The following CPNE4 variants were observed in gnomAD, a reference collection of about 807,000 sequenced individuals.
CPNE4 encodes the protein copine-4.
A neutral mutation model predicts 67.9 loss-of-function variants in CPNE4; 25 were observed. That is an observed-to-expected ratio of 0.37 (90% CI 0.27 to 0.51). The LOEUF is 0.51. Ranked by LOEUF, CPNE4 falls within the 20% of genes least tolerant of loss-of-function variation. The pLI, the probability that CPNE4 is intolerant of heterozygous loss-of-function variation, is 0.93. For missense variants in CPNE4, 464 were observed against 690.8 expected (o/e 0.67, Z 3.68); for synonymous variants, 242 against 244.9 (o/e 0.99, Z 0.11).
intron 2 of CPNE4, among the ~76,000 whole-genome samples, chr3:131,848,388 A>G (rs935768055): frequency 2.0e-5 from 3 of 152,032 alleles, no homozygotes; most frequent in African/African-American, 7.2e-5. Flanking sequence ...ATCTCATCAC[A>G]CTAGTCCCCA....
At chr3:132,001,526 G>A (rs370545989) in intron 1 of CPNE4, among the ~76,000 whole-genome samples, 3 of 143,722 alleles carry the variant, frequency 2.1e-5, no homozygotes, top group South Asian at 2.2e-4. Context: ...GAGAGAGAGA[G>A]AGAGAAAGAA....
intron 1 of CPNE4, among the ~76,000 whole-genome samples, chr3:131,975,693 C>T (rs934287376): frequency 2.0e-5 from 3 of 152,116 alleles, no homozygotes; most frequent in African/African-American, 7.2e-5. Context: ...AGTTGCTATC[C>T]TAAGGGACTT....
At chr3:131,550,481 T>G (rs1251572412) in intron 13 of CPNE4, among the ~76,000 whole-genome samples, 3 of 152,098 alleles carry the variant, frequency 2.0e-5, no homozygotes, top group Non-Finnish European at 4.4e-5. Flanking sequence ...AACTTGGGTC[T>G]GCCTGGCTCT....
rs566607383 is a variant in CPNE4 at position 131,568,987 on chromosome 3, C to G, written c.928-4638G>C. Among the ~76,000 whole-genome samples the G allele has an allele frequency of 9.9e-5, 15 of 152,076 alleles. No individual in the cohort carries two copies. The South Asian group carries it at 2.9e-3, about 29-fold the overall frequency. On this transcript the variant is annotated intron_variant, in intron 10 of 15. Coordinates refer to ENST00000429747, the MANE Select transcript of CPNE4 (RefSeq NM_130808.3). ...GTACAATTTGGACCTATACAATGAA[C>G]CTTGTAGGTGAACATACTGTTTGGT... is the stretch of plus-strand genomic sequence containing the variant.
rs188310282 is a variant in CPNE4 at position 131,536,829 on chromosome 3, A to T, written c.1540-1500T>A. Among the ~76,000 whole-genome samples, 4 of 152,352 alleles carry T rather than the reference A, an allele frequency of 2.6e-5. No individual in the cohort carries two copies. The East Asian group carries it at 7.7e-4, about 29-fold the overall frequency. ...GGTCCATGTGTATACTGGGGCAGATACAAAAGTCATTTATACCCTTTCCTC... is the reference window on the plus strand; with the variant it reads ...GGTCCATGTGTATACTGGGGCAGATTCAAAAGTCATTTATACCCTTTCCTC... On this transcript the variant is annotated intron_variant, in intron 15 of 15. Coordinates refer to ENST00000429747, the MANE Select transcript of CPNE4 (RefSeq NM_130808.3).
chr3:131,541,828 G>A (rs1398698490), intron 15 of CPNE4, among the ~76,000 whole-genome samples: 2 of 151,626 alleles, frequency 1.3e-5, no homozygotes, highest in African/African-American at 2.4e-5. Flanking sequence ...CTGCCACCAC[G>A]CCCAGCTAAT....
At chr3:131,832,082 G>C (rs565614284) in intron 2 of CPNE4, among the ~76,000 whole-genome samples, 2 of 152,098 alleles carry the variant, frequency 1.3e-5, no homozygotes, top group African/African-American at 4.8e-5. Context: ...GGGGTTCAAA[G>C]TTCTATCTAA....
rs753075283 is a variant in CPNE4, at chr3:131,586,722, C to CTCTGTCTG, written c.780+761_780+762insCAGACAGA. 1.2e-3 allele frequency among the ~76,000 whole-genome samples: 176 copies of CTCTGTCTG among 148,484 alleles called. No individual in the cohort carries two copies. In the East Asian group the frequency reaches 0.013, roughly 11 times the overall value. ...GATTTGGGCCCAGATGACTTTCTAT[C>CTCTGTCTG]TCTATCTGTCTGTCTGTCTGTCTGT... On this transcript the variant is annotated intron_variant, in intron 8 of 15. Coordinates refer to ENST00000429747, the MANE Select transcript of CPNE4 (RefSeq NM_130808.3).
chr3:131,608,065 T>C (rs1289720869), intron 7 of CPNE4, among the ~76,000 whole-genome samples: 2 of 152,192 alleles, frequency 1.3e-5, no homozygotes, highest in African/African-American at 2.4e-5. Flanking sequence ...AAATAACTTG[T>C]TTATGTATCT....
intron 2 of CPNE4, among the ~76,000 whole-genome samples, chr3:131,726,506 T>C (rs918988445): frequency 6.6e-5 from 10 of 152,180 alleles, no homozygotes; most frequent in Non-Finnish European, 1.0e-4. Flanking sequence ...GTGCTTGCAA[T>C]AATAAATGCA....
At chr3:131,922,166 T>C (rs965004171) in intron 1 of CPNE4, among the ~76,000 whole-genome samples, 1 of 152,128 alleles carries the variant, frequency 6.6e-6, no homozygotes, top group African/African-American at 2.4e-5. Flanking sequence ...AGTGAGAACA[T>C]GTGGTATAAG....
intron 2 of CPNE4, among the ~76,000 whole-genome samples, chr3:131,828,520 G>T (rs2085253293): frequency 6.6e-6 from 1 of 152,052 alleles, no homozygotes; most frequent in Admixed American, 6.6e-5. Context: ...ACCACCATTT[G>T]TCCATCCATT....
At chr3:131,864,381 T>C (rs1476288679) in intron 2 of CPNE4, among the ~76,000 whole-genome samples, 2 of 152,202 alleles carry the variant, frequency 1.3e-5, no homozygotes, top group Non-Finnish European at 2.9e-5. Flanking sequence ...TTTTATTTCA[T>C]TGAGCAGTGG....
chr3:131,556,898 G>A (rs1936488658), intron 11 of CPNE4, among the ~76,000 whole-genome samples: 1 of 152,042 alleles, frequency 6.6e-6, no homozygotes. Context: ...GCTAGATGAT[G>A]TATCTATTTA....
intron 7 of CPNE4, among the ~76,000 whole-genome samples, chr3:131,605,047 G>C (rs1046178468): frequency 6.6e-6 from 1 of 152,114 alleles, no homozygotes; most frequent in Admixed American, 6.6e-5. Flanking sequence ...ACCAGTGTTG[G>C]TAACCACATT....
At chr3:131,771,384 A>T (rs1218437590) in intron 2 of CPNE4, among the ~76,000 whole-genome samples, 1 of 151,944 alleles carries the variant, frequency 6.6e-6, no homozygotes, top group Non-Finnish European at 1.5e-5. Flanking sequence ...ACCTAATGTG[A>T]GGTGTTTTGG....
intron 3 of CPNE4, among the ~76,000 whole-genome samples, chr3:131,719,828 G>C (rs2081833824): frequency 6.6e-6 from 1 of 152,296 alleles, no homozygotes; most frequent in Non-Finnish European, 1.5e-5. Context: ...AAGAAGAACT[G>C]TTTCTTCATG....
At chr3:131,831,999 AG>A (rs1295694809) in intron 2 of CPNE4, among the ~76,000 whole-genome samples, 1 of 152,128 alleles carries the variant, frequency 6.6e-6, no homozygotes, top group African/African-American at 2.4e-5. Flanking sequence ...TTGGTCAAAA[AG>A]ATTCTTAGCT....
chr3:131,907,728 G>C (rs1267635474), intron 1 of CPNE4, among the ~76,000 whole-genome samples: 1 of 152,156 alleles, frequency 6.6e-6, no homozygotes, highest in Non-Finnish European at 1.5e-5. Flanking sequence ...AATAGAGATT[G>C]CAAGTACCAC....
Sources: gnomAD v4.1 joint callset for allele counts (sites outside exome capture counted in the v4.1 genomes callset) on GRCh38, gnomAD v4.1.1 for gene constraint, MANE v1.5 for transcripts, NCBI Gene and HGNC (gene_info 2026-07-23, HGNC 2026-07-21) for gene names.